CFI: variants seen among roughly 807,000 people sequenced by gnomAD.
The protein encoded by CFI is C3B/C4B inactivator.
A neutral mutation model predicts 78.8 loss-of-function variants in CFI; 66 were observed. The ratio of observed to expected loss-of-function variants is 0.84; its 90% CI spans 0.69 to 1.03. The LOEUF (loss-of-function observed/expected upper bound fraction) is 1.03, where lower values mean the gene tolerates loss of function less well. CFI is among the 50% of genes least tolerant of loss of function. The pLI is 0.00. For synonymous variants in CFI, 250 were observed against 232.6 expected, an observed-to-expected ratio of 1.07 and a Z score of -0.68; for missense variants, 706 against 704.5, an observed-to-expected ratio of 1.00 and a Z score of -0.02.
chr4:109,753,539 A>ATAT (rs1725632859), intron 7 of CFI, among the ~76,000 whole-genome samples: 2 of 3,476 alleles, frequency 5.8e-4, no homozygotes, highest in African/African-American at 8.8e-4. Context: ...ATAAATATTT[A>ATAT]TAATATATTT....
downstream of CFI, among the ~76,000 whole-genome samples, chr4:109,737,852 G>A (rs766565944): frequency 4.1e-4 from 62 of 152,274 alleles, no homozygotes; most frequent in Non-Finnish European, 7.9e-4. Context: ...AATTAGGAGC[G>A]CTGAGACAGA....
chr4:109,764,842 A>C (rs1485126750), intron 2 of CFI, 152 bp from the exon 3 acceptor site: 1 of 731,580 alleles, frequency 1.4e-6, no homozygotes, highest in Non-Finnish European at 2.3e-6. Context: ...TCATTTTACG[A>C]GTATTTATTA....
chr4:109,754,980 A>AGATGT, intron 7 of CFI, among the ~76,000 whole-genome samples: 1 of 152,352 alleles, frequency 6.6e-6, no homozygotes, highest in East Asian at 1.9e-4. Context: ...TCACATGGAT[A>AGATGT]GAGTTCACAG....
chr4:109,801,947 A>T lies in CFI; in HGVS notation c.25T>A (p.Leu9Ile), dbSNP rs1438571828. The T allele has an allele frequency of 6.2e-7, 1 of 1,612,828 alleles. No individual in the cohort carries two copies. Among genetic ancestry groups the T allele is most frequent in the Non-Finnish European group, 8.5e-7 (1 of 1,179,050 alleles). Residue 9 changes from leucine (L) to isoleucine (I), a missense_variant, in exon 1 of 13, where the codon TTA (leucine) becomes ATA (isoleucine). Physicochemically the swap from Leu to Ile is conservative, Grantham distance 5 (BLOSUM62 2). Transcript: ENST00000394634. The stretch of plus-strand genomic sequence containing the variant: ...AACCTTAAGTGGAAGCACAGAAATA[A>T]CAGGAAAACATGAAGAAGCTTCATG... MKLLHVFL[L>I]FLCFHLRFCK...
chr4:109,759,871 G>A (rs1369286218), intron 6 of CFI, among the ~76,000 whole-genome samples: 1 of 152,146 alleles, frequency 6.6e-6, no homozygotes, highest in Non-Finnish European at 1.5e-5. Flanking sequence ...TCCAGCCTGG[G>A]CAACAGAGCA....
At chr4:109,751,421 A>G (rs1453658086) in intron 8 of CFI, among the ~76,000 whole-genome samples, 1 of 147,878 alleles carries the variant, frequency 6.8e-6, no homozygotes, top group Non-Finnish European at 1.5e-5. Context: ...TAACATCTAT[A>G]GCTTCGAGAG....
At chr4:109,756,890 A>AAAG (rs1441108803) in intron 7 of CFI, among the ~76,000 whole-genome samples, 169 of 16,642 alleles carry the variant, frequency 0.01, 4 homozygotes, top group African/African-American at 0.032. Context: ...GAAAGAAAGG[A>AAAG]AAGAAAGAAA....
At chr4:109,736,285 C>A (rs1459888559), downstream of CFI, among the ~76,000 whole-genome samples, 1 of 151,852 alleles carries the variant, frequency 6.6e-6, no homozygotes, top group Non-Finnish European at 1.5e-5. Flanking sequence ...GGGTCTGGGC[C>A]TTGCCTGCTA....
intron 1 of CFI, among the ~76,000 whole-genome samples, chr4:109,782,754 C>T (rs1329851402): frequency 6.6e-6 from 1 of 152,082 alleles, no homozygotes; most frequent in African/African-American, 2.4e-5. Flanking sequence ...AATCTGGAAG[C>T]ATCACACTAC....
At position 109,741,106 on chromosome 4, in the gene CFI, T is replaced by C. The variant is rs757628055; in HGVS notation, c.1539A>G (p.Thr513=). The part of the protein sequence containing the change: ...FYEKEMECAG[T]YDGSIDACKG... ...TACAGGCATCGATGGAACCATCATA[T>C]GTACCTAAGAAAGAAATGTGAAAGA... The change falls in exon 13 of 13, where the codon ACA becomes ACG. Residue 513 remains threonine, a synonymous_variant. Transcript: ENST00000394634. 6 of 1,614,082 alleles carry C rather than the reference T, an allele frequency of 3.7e-6. No individual in the cohort carries two copies. The East Asian group carries it at 1.3e-4, about 36-fold the overall frequency.
intron 1 of CFI, among the ~76,000 whole-genome samples, chr4:109,773,622 A>G (rs899568085): frequency 6.6e-6 from 1 of 152,202 alleles, no homozygotes; most frequent in Non-Finnish European, 1.5e-5. Flanking sequence ...TTATAATTCA[A>G]ACCCTCGAGA....
At chr4:109,777,394 C>T (rs528230724) in intron 1 of CFI, among the ~76,000 whole-genome samples, 1 of 152,300 alleles carries the variant, frequency 6.6e-6, no homozygotes, top group Admixed American at 6.5e-5. Context: ...AAAGTCATTA[C>T]ATATTGGTAA....
chr4:109,738,927 G>A (rs1463984032), downstream of CFI, among the ~76,000 whole-genome samples: 2 of 152,216 alleles, frequency 1.3e-5, no homozygotes, highest in African/African-American at 4.8e-5. Context: ...GGCAGCATGG[G>A]AGGGAGGAGT....
intron 1 of CFI, among the ~76,000 whole-genome samples, chr4:109,776,449 C>A (rs1023484166): frequency 4.6e-5 from 7 of 152,164 alleles, no homozygotes; most frequent in Non-Finnish European, 7.3e-5. Flanking sequence ...ATGAACAAAG[C>A]CTCCAAGAAA....
intron 3 of CFI, among the ~76,000 whole-genome samples, chr4:109,764,206 G>A (rs961201595): frequency 4.6e-5 from 7 of 151,602 alleles, no homozygotes; most frequent in Non-Finnish European, 8.8e-5. Flanking sequence ...CTCACACACA[G>A]TATATAAACT....
intron 1 of CFI, among the ~76,000 whole-genome samples, chr4:109,776,259 G>A (rs1346306854): frequency 6.6e-6 from 1 of 152,172 alleles, no homozygotes; most frequent in Non-Finnish European, 1.5e-5. Flanking sequence ...AGAATAACCA[G>A]TGTAGAGAAG....
intron 11 of CFI, among the ~76,000 whole-genome samples, chr4:109,743,464 A>G (rs913906361): frequency 6.6e-6 from 1 of 152,212 alleles, no homozygotes; most frequent in African/African-American, 2.4e-5. Context: ...TAAGGTGGTC[A>G]GTAAACACCT....
chr4:109,766,439 A>G (rs1242874206), intron 2 of CFI, 115 bp downstream of exon 2: 3 of 1,261,986 alleles, frequency 2.4e-6, no homozygotes, highest in African/African-American at 1.5e-5. Flanking sequence ...GAGTCTAGAA[A>G]AAAATTTTGA....
intron 1 of CFI, among the ~76,000 whole-genome samples, chr4:109,768,092 T>C (rs1277644295): frequency 8.2e-6 from 1 of 121,250 alleles, no homozygotes; most frequent in African/African-American, 3.3e-5. Flanking sequence ...TGAGAACACA[T>C]GGACACAGGA....
Sources: allele counts gnomAD v4.1 joint callset (sites outside exome capture counted in the v4.1 genomes callset), GRCh38; gene constraint gnomAD v4.1.1; transcripts MANE v1.5; gene names NCBI Gene and HGNC (gene_info 2026-07-23, HGNC 2026-07-21).